CCDC73: variants seen among roughly 807,000 people sequenced by gnomAD.
CCDC73 encodes the protein coiled-coil domain-containing protein 73.
A neutral mutation model predicts 116.5 loss-of-function variants in CCDC73; 95 were observed. The ratio of observed to expected loss-of-function variants is 0.82; its 90% CI spans 0.69 to 0.97. The LOEUF is 0.97. Among genes scored for constraint, CCDC73 ranks in the 50% least tolerant of loss-of-function variants. CCDC73 has a pLI of 0.00. For synonymous variants in CCDC73, 398 were observed against 401.3 expected, an observed-to-expected ratio of 0.99 and a Z score of 0.10; for missense variants, 1,066 against 1,206.8, an observed-to-expected ratio of 0.88 and a Z score of 1.73.
At chr11:32,783,188 C>A (rs952905191) in intron 1 of CCDC73, among the ~76,000 whole-genome samples, 1 of 151,728 alleles carries the variant, frequency 6.6e-6, no homozygotes, top group African/African-American at 2.4e-5. Flanking sequence ...TAAAAAAGAT[C>A]AAGAATTACA....
the CCDC73 span, chr11:32,830,467 A>C: frequency 4.2e-5 from 54 of 1,285,122 alleles, no homozygotes; most frequent in Non-Finnish European, 5.1e-5. Flanking sequence ...GTGCTGAGCT[A>C]GGGGCCTTTT....
At chr11:32,807,412 A>G in the CCDC73 span, among the ~76,000 whole-genome samples, 13 of 152,322 alleles carry the variant, frequency 8.5e-5, no homozygotes, top group South Asian at 2.3e-3. Flanking sequence ...AGAGCTACCT[A>G]GAAATGAGGC....
intron 1 of CCDC73, among the ~76,000 whole-genome samples, chr11:32,766,819 G>C: frequency 6.6e-6 from 1 of 152,142 alleles, no homozygotes; most frequent in East Asian, 1.9e-4. Flanking sequence ...TGAAATAAAA[G>C]AGGACATAAA....
intron 2 of CCDC73, among the ~76,000 whole-genome samples, chr11:32,731,139 C>G (rs12418093): frequency 0.1 from 15,440 of 152,296 alleles, 1,055 homozygotes; most frequent in Non-Finnish European, 0.15. Flanking sequence ...CTGCACCTGG[C>G]TCGGAGGGTC....
intron 2 of CCDC73, among the ~76,000 whole-genome samples, chr11:32,729,613 C>T (rs779325493): frequency 7.2e-5 from 11 of 152,180 alleles, no homozygotes; most frequent in Non-Finnish European, 7.3e-5. Flanking sequence ...CCATCTTCCA[C>T]GACGGTTGAA....
intron 1 of CCDC73, among the ~76,000 whole-genome samples, chr11:32,788,059 T>A (rs767682176): frequency 6.6e-6 from 1 of 152,246 alleles, no homozygotes; most frequent in Non-Finnish European, 1.5e-5. Flanking sequence ...TCCGTTATAC[T>A]GCAAATTCCT....
At chr11:32,776,986 CATGTATATATATATATATAT>C (rs1648914871) in intron 1 of CCDC73, among the ~76,000 whole-genome samples, 1 of 95,764 alleles carries the variant, frequency 1.0e-5, no homozygotes, top group East Asian at 3.1e-4. Flanking sequence ...TATATATACA[CATGTATATATATATATATAT>C]ATATATATAT....
At chr11:32,674,946 T>C (rs890280841) in intron 9 of CCDC73, among the ~76,000 whole-genome samples, 1 of 152,188 alleles carries the variant, frequency 6.6e-6, no homozygotes, top group African/African-American at 2.4e-5. Context: ...TATCAGACTT[T>C]TTTTAGTTCC....
intron 13 of CCDC73, among the ~76,000 whole-genome samples, chr11:32,639,198 T>C (rs1855709681): frequency 6.7e-6 from 1 of 149,872 alleles, no homozygotes; most frequent in African/African-American, 2.5e-5. Context: ...AGCCAAATTC[T>C]AGGGTCATCT....
intron 9 of CCDC73, among the ~76,000 whole-genome samples, chr11:32,660,577 C>T (rs1590575583): frequency 6.6e-6 from 1 of 151,998 alleles, no homozygotes; most frequent in Non-Finnish European, 1.5e-5. Flanking sequence ...GTAATCCCAG[C>T]ACTTTGGGAG....
chr11:32,774,473 A>G (rs1850515700), intron 1 of CCDC73, among the ~76,000 whole-genome samples: 1 of 152,166 alleles, frequency 6.6e-6, no homozygotes, highest in Non-Finnish European at 1.5e-5. Flanking sequence ...TTTAATTTAA[A>G]GTTCTAAAAA....
chr11:32,811,142 T>C, the CCDC73 span, among the ~76,000 whole-genome samples: 7 of 152,086 alleles, frequency 4.6e-5, no homozygotes, highest in African/African-American at 1.4e-4. Flanking sequence ...CACACCTAGA[T>C]GTACCCACAA....
intron 13 of CCDC73, among the ~76,000 whole-genome samples, chr11:32,637,869 G>T (rs928519585): frequency 1.3e-4 from 20 of 152,102 alleles, no homozygotes; most frequent in African/African-American, 4.3e-4. Flanking sequence ...TCTCCTAGGA[G>T]TAGATTAACA....
At chr11:32,676,057 A>AAC (rs751892565) in intron 7 of CCDC73, 36 bp from the exon 8 acceptor site, 26 of 1,521,542 alleles carry the variant, frequency 1.7e-5, no homozygotes, top group Non-Finnish European at 2.2e-5. Context: ...TTATACATAT[A>AAC]ACACACACAC....
At chr11:32,786,179 G>C (rs1332765520) in intron 1 of CCDC73, among the ~76,000 whole-genome samples, 2 of 151,426 alleles carry the variant, frequency 1.3e-5, no homozygotes. Flanking sequence ...AACACAATTT[G>C]AATAAACTCC....
intron 1 of CCDC73, among the ~76,000 whole-genome samples, chr11:32,761,000 C>T (rs80182414): frequency 0.028 from 4,243 of 152,194 alleles, 79 homozygotes; most frequent in Non-Finnish European, 0.036. Context: ...TGTATATATG[C>T]TTTTGGCAAG....
chr11:32,739,895 G>A (rs150863916), intron 2 of CCDC73, among the ~76,000 whole-genome samples: 1 of 151,306 alleles, frequency 6.6e-6, no homozygotes, highest in Non-Finnish European at 1.5e-5. Flanking sequence ...AATTATGAAG[G>A]GACGTTGAAT....
chr11:32,747,465 TG>T (rs1850250200), intron 2 of CCDC73, among the ~76,000 whole-genome samples: 1 of 152,202 alleles, frequency 6.6e-6, no homozygotes, highest in Non-Finnish European at 1.5e-5. Flanking sequence ...TCTTCAGAGC[TG>T]TCAGGCAGGG....
In CCDC73 at chr11:32,718,156, A is replaced by G. The variant is rs772573036; in HGVS notation, c.136-9T>C. The stretch of plus-strand genomic sequence containing the variant: ...TAATGAATTTCTGCTTCCTAAGTCA[A>G]AAAGAAAAAGAAAAGTGCTATAAAA... On this transcript the variant is annotated splice_polypyrimidine_tract_variant and intron_variant, in intron 2 of 17. Transcript: ENST00000335185. 13 of 1,560,606 alleles carry G rather than the reference A, an allele frequency of 8.3e-6. No individual in the cohort carries two copies. The highest frequency in any genetic ancestry group is 3.5e-5 in the South Asian group (3 of 86,844).
Sources: allele counts gnomAD v4.1 joint callset (sites outside exome capture counted in the v4.1 genomes callset), GRCh38; gene constraint gnomAD v4.1.1; transcripts MANE v1.5; gene names NCBI Gene and HGNC (gene_info 2026-07-23, HGNC 2026-07-21).